GRM1: variants seen among roughly 807,000 people sequenced by gnomAD.
GRM1 encodes the protein metabotropic glutamate receptor 1.
Under a neutral mutation model 90.9 loss-of-function variants are expected in GRM1, and 33 were observed. That is an observed-to-expected ratio of 0.36 (90% CI 0.28 to 0.49). The LOEUF is 0.49. Ranked by LOEUF, GRM1 falls within the 20% of genes least tolerant of loss-of-function variation. The pLI, the probability that GRM1 is intolerant of heterozygous loss-of-function variation, is 0.99. For missense variants in GRM1, 1,190 were observed against 1,534.3 expected, an observed-to-expected ratio of 0.78 and a Z score of 3.75; for synonymous variants, 700 against 613.2, an observed-to-expected ratio of 1.14 and a Z score of -2.09.
intron 2 of GRM1, among the ~76,000 whole-genome samples, chr6:146,270,849 TTTTC>T (rs1164507964): frequency 0.024 from 2,170 of 91,504 alleles, 82 homozygotes; most frequent in East Asian, 0.036. Context: ...CTTTCTTTCT[TTTTC>T]TTTCTTTCTT....
At chr6:146,050,157 C>T (rs1020867030) in intron 1 of GRM1, among the ~76,000 whole-genome samples, 10 of 152,116 alleles carry the variant, frequency 6.6e-5, no homozygotes, top group African/African-American at 2.2e-4. Context: ...TTTAAAAAAT[C>T]AGGTCCTGGA....
intron 2 of GRM1, among the ~76,000 whole-genome samples, chr6:146,169,666 C>G (rs1778030209): frequency 3.9e-5 from 6 of 152,148 alleles, no homozygotes; most frequent in Admixed American, 3.9e-4. Context: ...TTTCCCCCGC[C>G]CTGTTCTGCA....
intron 2 of GRM1, among the ~76,000 whole-genome samples, chr6:146,213,364 A>C (rs1333329918): frequency 6.6e-6 from 1 of 152,168 alleles, no homozygotes; most frequent in Non-Finnish European, 1.5e-5. Flanking sequence ...TCACCTGCAG[A>C]AAATCAAAAG....
chr6:146,365,343 G>A (rs560140082), intron 5 of GRM1: 1 of 152,160 alleles, frequency 6.6e-6, no homozygotes, highest in South Asian at 2.1e-4. Flanking sequence ...ACCACTATGA[G>A]TAATGCCCAC....
At chr6:146,396,636 C>T (rs867876271) in intron 6 of GRM1, among the ~76,000 whole-genome samples, 28 of 151,616 alleles carry the variant, frequency 1.8e-4, no homozygotes, top group Admixed American at 3.3e-4. Flanking sequence ...TGGTTCAAAA[C>T]GAAACAAACA....
At chr6:146,370,662 C>A (rs913959537) in intron 5 of GRM1, among the ~76,000 whole-genome samples, 1 of 151,912 alleles carries the variant, frequency 6.6e-6, no homozygotes, top group Admixed American at 6.6e-5. Context: ...ATATGCCAAC[C>A]CCTGAGATAC....
intron 2 of GRM1, among the ~76,000 whole-genome samples, chr6:146,181,671 A>G (rs1388190330): frequency 6.6e-6 from 1 of 152,184 alleles, no homozygotes; most frequent in Non-Finnish European, 1.5e-5. Flanking sequence ...AAATATTATT[A>G]TAGCTCAAGC....
At chr6:146,277,021 C>T (rs1185994504) in intron 2 of GRM1, among the ~76,000 whole-genome samples, 2 of 152,050 alleles carry the variant, frequency 1.3e-5, no homozygotes, top group Admixed American at 6.6e-5. Flanking sequence ...GGTGGGAGAA[C>T]AGCCAAGGAG....
chr6:146,243,386 G>A (rs954185657), intron 2 of GRM1, among the ~76,000 whole-genome samples: 1 of 152,052 alleles, frequency 6.6e-6, no homozygotes, highest in African/African-American at 2.4e-5. Flanking sequence ...AACCAGAGGA[G>A]TAACAGAATC....
At chr6:146,357,836 G>T in intron 5 of GRM1, 142 bp downstream of exon 5, 1 of 723,804 alleles carries the variant, frequency 1.4e-6, no homozygotes, top group Admixed American at 2.0e-5. Flanking sequence ...CTTGAGTTTA[G>T]GTAAAACTGA....
intron 2 of GRM1, among the ~76,000 whole-genome samples, chr6:146,291,352 G>T (rs1293717498): frequency 6.6e-6 from 1 of 150,626 alleles, no homozygotes; most frequent in East Asian, 1.9e-4. Flanking sequence ...CTTTTTGACA[G>T]AAATATGTAT....
chr6:146,054,766 AG>A (rs1162422874), intron 1 of GRM1, among the ~76,000 whole-genome samples: 1 of 152,148 alleles, frequency 6.6e-6, no homozygotes, highest in African/African-American at 2.4e-5. Flanking sequence ...TTTTATAGAA[AG>A]AATAGGACAA....
intron 2 of GRM1, among the ~76,000 whole-genome samples, chr6:146,181,863 T>G (rs1032299103): frequency 1.5e-4 from 23 of 152,110 alleles, no homozygotes; most frequent in African/African-American, 4.8e-4. Flanking sequence ...TCAATAAGAT[T>G]TATTAATTAT....
chr6:146,071,411 C>A (rs1303101777), intron 1 of GRM1, among the ~76,000 whole-genome samples: 1 of 152,114 alleles, frequency 6.6e-6, no homozygotes. Context: ...AAATGGATCT[C>A]CTGTTATCAA....
intron 2 of GRM1, among the ~76,000 whole-genome samples, chr6:146,253,882 G>A (rs1781387123): frequency 6.6e-6 from 1 of 152,122 alleles, no homozygotes; most frequent in Non-Finnish European, 1.5e-5. Context: ...CAGGGATACA[G>A]GCTAAATCCC....
intron 7 of GRM1, among the ~76,000 whole-genome samples, chr6:146,431,067 T>G (rs996049887): frequency 3.3e-5 from 5 of 152,324 alleles, no homozygotes; most frequent in Admixed American, 6.5e-5. Flanking sequence ...AGTGCTGCAA[T>G]GTCTGTGAGA....
intron 7 of GRM1, among the ~76,000 whole-genome samples, chr6:146,432,776 AAGAAGCTGAGTCCAG>A (rs1778460887): frequency 6.6e-6 from 1 of 152,246 alleles, no homozygotes; most frequent in Non-Finnish European, 1.5e-5. Context: ...TTATACAGAA[AAGAAGCTGAGTCCAG>A]AAGTGAGATC....
chr6:146,296,410 C>A (rs1783179406), intron 2 of GRM1, among the ~76,000 whole-genome samples: 1 of 152,172 alleles, frequency 6.6e-6, no homozygotes, highest in Non-Finnish European at 1.5e-5. Context: ...ATACTTATCA[C>A]TACTTGGTGG....
intron 2 of GRM1, among the ~76,000 whole-genome samples, chr6:146,289,417 G>A (rs1782898156): frequency 6.6e-6 from 1 of 152,140 alleles, no homozygotes; most frequent in Non-Finnish European, 1.5e-5. Flanking sequence ...GCTATACAAT[G>A]TATTTGTGTT....
Sources: gnomAD v4.1 joint callset for allele counts (sites outside exome capture counted in the v4.1 genomes callset) on GRCh38, gnomAD v4.1.1 for gene constraint, MANE v1.5 for transcripts, NCBI Gene and HGNC (gene_info 2026-07-23, HGNC 2026-07-21) for gene names.